The following SORCS2 variants were observed in gnomAD, a reference collection of about 807,000 sequenced individuals.
SORCS2 encodes VPS10 domain-containing receptor SorCS2.
Under a neutral mutation model 141.6 loss-of-function variants are expected in SORCS2, and 100 were observed. That is an observed-to-expected ratio of 0.71 (90% CI 0.60 to 0.83). SORCS2 has a LOEUF of 0.83. Among genes scored for constraint, SORCS2 ranks in the 40% least tolerant of loss-of-function variants. The pLI is 0.00. For synonymous variants in SORCS2, 789 were observed against 676.9 expected (o/e 1.17, Z -2.57); for missense variants, 1,646 against 1,560.2 (o/e 1.05, Z -0.93).
rs796571069 is a variant in SORCS2 at position 7,452,145 on chromosome 4, C to CT, written c.548+55803dup. On this transcript the variant is annotated intron_variant, in intron 2 of 26. Coordinates refer to ENST00000507866, the MANE Select transcript of SORCS2 (RefSeq NM_020777.3). ...TCTGCCTTCCAGATGGAAGGCTCTTCTTTTTTTTTTTTTGAGATGGAGACT... is the reference window on the plus strand; with the variant it reads ...TCTGCCTTCCAGATGGAAGGCTCTTCTTTTTTTTTTTTTTGAGATGGAGACT... 9.5e-3 allele frequency among the ~76,000 whole-genome samples: 1,379 copies of CT among 145,868 alleles called. 17 individuals are homozygous for CT. Among genetic ancestry groups the CT allele is most frequent in the African/African-American group, 0.022 (871 of 40,050 alleles).
At chr4:7,474,426 A>G (rs958657766) in intron 2 of SORCS2, among the ~76,000 whole-genome samples, 1 of 151,842 alleles carries the variant, frequency 6.6e-6, no homozygotes, top group Non-Finnish European at 1.5e-5. Context: ...TCAAAACCCC[A>G]CTCTTCAGAT....
In SORCS2 at chr4:7,286,200, C is replaced by T. The variant is rs932035337; in HGVS notation, c.480+93074C>T. The stretch of plus-strand genomic sequence containing the variant: ...CAGGCCTGTGCCGGTCCTCACTGCA[C>T]GACTCGGACCCTGAGTCTCCTCGCG... On this transcript the variant is annotated intron_variant, in intron 1 of 26. Coordinates refer to ENST00000507866, the MANE Select transcript of SORCS2 (RefSeq NM_020777.3). This position sits in a 1 kb window ranked among gnomAD's most constrained non-coding sequence, Gnocchi z 4.1. Among the ~76,000 whole-genome samples, 1 of 152,230 alleles carries T rather than the reference C, an allele frequency of 6.6e-6. No homozygotes were observed. Among genetic ancestry groups the T allele is most frequent in the South Asian group, 2.1e-4 (1 of 4,828 alleles).
chr4:7,533,751 C>G (rs997942269), intron 3 of SORCS2, among the ~76,000 whole-genome samples: 4 of 152,242 alleles, frequency 2.6e-5, no homozygotes, highest in African/African-American at 9.7e-5. Context: ...TGAGGTCAGA[C>G]AGAGCTGCTT....
At chr4:7,678,086 A>G (rs1723281207) in intron 9 of SORCS2, among the ~76,000 whole-genome samples, 1 of 152,058 alleles carries the variant, frequency 6.6e-6, no homozygotes, top group South Asian at 2.1e-4. Context: ...TGGGTACAAC[A>G]CGCACCATTC....
intron 2 of SORCS2, among the ~76,000 whole-genome samples, chr4:7,429,700 A>T (rs57764293): frequency 6.6e-6 from 1 of 151,994 alleles, no homozygotes; most frequent in African/African-American, 2.4e-5. Flanking sequence ...AGGGATGAGG[A>T]CCCTGAACCA....
At chr4:7,482,127 T>C (rs1173428590) in intron 2 of SORCS2, among the ~76,000 whole-genome samples, 3 of 36,146 alleles carry the variant, frequency 8.3e-5, no homozygotes, top group Non-Finnish European at 5.1e-5. Flanking sequence ...CCCCTGACGC[T>C]GTTCAGACCT....
chr4:7,392,009 A>T (rs541904675), intron 1 of SORCS2, among the ~76,000 whole-genome samples: 31 of 152,322 alleles, frequency 2.0e-4, no homozygotes, highest in Admixed American at 5.2e-4. Context: ...TACAGGGTTC[A>T]GCACAAAGTG....
At chr4:7,403,997 ATTTTTTT>A (rs60403055) in intron 2 of SORCS2, among the ~76,000 whole-genome samples, 344 of 18,636 alleles carry the variant, frequency 0.018, 4 homozygotes, top group Middle Eastern at 0.038. Context: ...ATATATATAT[ATTTTTTT>A]TTTTTTTTTA....
At chr4:7,621,880 G>A (rs1282562669) in intron 3 of SORCS2, among the ~76,000 whole-genome samples, 2 of 152,200 alleles carry the variant, frequency 1.3e-5, no homozygotes, top group African/African-American at 4.8e-5. Context: ...CCAGCCTGGC[G>A]AGAGCCTGCT....
At chr4:7,482,737 T>C (rs1304507156) in intron 2 of SORCS2, among the ~76,000 whole-genome samples, 11 of 118,454 alleles carry the variant, frequency 9.3e-5, no homozygotes, top group Non-Finnish European at 5.1e-5. Context: ...GTATCCCCGC[T>C]GCGGACACCC....
chr4:7,503,086 G>T (rs1732070042), intron 2 of SORCS2, among the ~76,000 whole-genome samples: 1 of 152,192 alleles, frequency 6.6e-6, no homozygotes, highest in African/African-American at 2.4e-5. Flanking sequence ...GTGCACAGGG[G>T]CTGGGGAATA....
intron 4 of SORCS2, among the ~76,000 whole-genome samples, chr4:7,649,281 T>C (rs10015734): frequency 0.24 from 34,674 of 142,362 alleles, 9,061 homozygotes; most frequent in African/African-American, 0.66. Context: ...GAGTGAGCCC[T>C]GAGCCGAGCG....
intron 1 of SORCS2, among the ~76,000 whole-genome samples, chr4:7,289,623 C>T (rs899922179): frequency 3.3e-5 from 5 of 152,196 alleles, no homozygotes; most frequent in Non-Finnish European, 7.3e-5. Context: ...AAAGCCCTCC[C>T]AGGCCCAGGG....
Position 7,532,225 on chromosome 4 carries a change from A to G in SORCS2, c.648+596A>G, listed in dbSNP as rs74719619. On this transcript the variant is annotated intron_variant, in intron 3 of 26. Transcript: ENST00000507866. Reference sequence around the variant, plus strand: ...TGGCCCACCCCCTGAGCCCAGATCAAGGTCGGCAGAGGCACCAGGGCAAAG... The same window carrying G: ...TGGCCCACCCCCTGAGCCCAGATCAGGGTCGGCAGAGGCACCAGGGCAAAG... Among the ~76,000 whole-genome samples the G allele has an allele frequency of 4.5e-3, 685 of 152,312 alleles. 8 individuals carry two copies. The highest frequency in any genetic ancestry group is 0.015 in the African/African-American group (632 of 41,570).
chr4:7,451,347 C>T (rs559883732), intron 2 of SORCS2, among the ~76,000 whole-genome samples: 35 of 152,334 alleles, frequency 2.3e-4, no homozygotes, highest in African/African-American at 6.3e-4. Context: ...CTGGGAGCCC[C>T]GAGGCCAAGC....
At chr4:7,543,148 C>T (rs915676667) in intron 3 of SORCS2, among the ~76,000 whole-genome samples, 1 of 152,180 alleles carries the variant, frequency 6.6e-6, no homozygotes, top group Non-Finnish European at 1.5e-5. Flanking sequence ...CTGGAGGCTT[C>T]CACATGGTGG....
chr4:7,609,233 G>A (rs1039653844), intron 3 of SORCS2, among the ~76,000 whole-genome samples: 1 of 152,152 alleles, frequency 6.6e-6, no homozygotes, highest in African/African-American at 2.4e-5. Flanking sequence ...TTCAAGGTGA[G>A]TAACAATCCT....
rs183836500 is a variant in SORCS2, at chr4:7,294,217, G to A, written c.480+101091G>A. Among the ~76,000 whole-genome samples the A allele has an allele frequency of 3.6e-3, 555 of 152,304 alleles. 1 individual carries two copies. Among genetic ancestry groups the A allele is most frequent in the Non-Finnish European group, 6.1e-3 (413 of 68,038 alleles). ...AAAGAGCCCATGATGAGGCAGTGCC[G>A]GGGCGTAGGGGAGAGGAGGGTTTCT... On this transcript the variant is annotated intron_variant, in intron 1 of 26. Transcript: ENST00000507866.
intron 2 of SORCS2, among the ~76,000 whole-genome samples, chr4:7,516,656 G>A (rs11939819): frequency 0.04 from 6,051 of 152,230 alleles, 246 homozygotes; most frequent in African/African-American, 0.11. Flanking sequence ...CGGAGTCTGG[G>A]AGTGTGGGGA....
Sources: gnomAD v4.1 joint callset for allele counts (sites outside exome capture counted in the v4.1 genomes callset) on GRCh38, gnomAD v4.1.1 for gene constraint, Gnocchi (gnomAD v3.1) non-coding constraint, MANE v1.5 for transcripts, NCBI Gene and HGNC (gene_info 2026-07-23, HGNC 2026-07-21) for gene names.